CNTNAP2: variants seen among roughly 807,000 people sequenced by gnomAD.
The protein encoded by CNTNAP2 is contactin associated protein 2, also known as contactin-associated protein-like 2.
In CNTNAP2, 98 loss-of-function variants were observed where a neutral mutation model predicts 155.2. The ratio of observed to expected loss-of-function variants is 0.63; its 90% CI spans 0.54 to 0.75. The LOEUF is 0.75. CNTNAP2 is among the 30% of genes least tolerant of loss of function. CNTNAP2 has a pLI of 0.00. For missense variants in CNTNAP2, 1,727 were observed against 1,688.1 expected (o/e 1.02, Z -0.40); for synonymous variants, 651 against 631.2 (o/e 1.03, Z -0.47).
chr7:146,326,585 A>G (rs1017509129), intron 1 of CNTNAP2, among the ~76,000 whole-genome samples: 2 of 152,228 alleles, frequency 1.3e-5, no homozygotes, highest in Admixed American at 6.5e-5. Context: ...TATCCCATTT[A>G]CAATTTTGTG....
At chr7:147,570,388 A>G (rs528777246) in intron 12 of CNTNAP2, among the ~76,000 whole-genome samples, 1 of 152,354 alleles carries the variant, frequency 6.6e-6, no homozygotes, top group South Asian at 2.1e-4. Context: ...CTTTTGAGTA[A>G]CAACAGTGCC....
In CNTNAP2 at chr7:147,900,220, G is replaced by T. The variant is rs1278427400; in HGVS notation, c.2099-3345G>T. On this transcript the variant is annotated intron_variant, in intron 13 of 23. Transcript: ENST00000361727. ...GTCATCTCCATCTCTGGTACGGTTTGGCTGTGTCCCCACCCAAATCTCATA... is the reference window on the plus strand; with the variant it reads ...GTCATCTCCATCTCTGGTACGGTTTTGCTGTGTCCCCACCCAAATCTCATA... Among the ~76,000 whole-genome samples, 4 of 152,044 alleles carry T rather than the reference G, an allele frequency of 2.6e-5. 1 individual carries two copies. In the South Asian group the frequency reaches 8.3e-4, roughly 32 times the overall value.
At chr7:146,528,188 A>G (rs993881065) in intron 1 of CNTNAP2, among the ~76,000 whole-genome samples, 1 of 152,182 alleles carries the variant, frequency 6.6e-6, no homozygotes, top group African/African-American at 2.4e-5. Flanking sequence ...TCCACCCTGG[A>G]GAAGACATGA....
intron 13 of CNTNAP2, among the ~76,000 whole-genome samples, chr7:147,797,343 A>G (rs1797913458): frequency 6.6e-6 from 1 of 152,030 alleles, no homozygotes; most frequent in Non-Finnish European, 1.5e-5. Context: ...GTTTACTTCT[A>G]TATGTTGCAT....
intron 1 of CNTNAP2, among the ~76,000 whole-genome samples, chr7:146,484,972 T>A (rs1486863215): frequency 6.6e-6 from 1 of 152,178 alleles, no homozygotes; most frequent in African/African-American, 2.4e-5. Flanking sequence ...TGGCAAAAGA[T>A]AAAAAAGCTT....
intron 19 of CNTNAP2, among the ~76,000 whole-genome samples, chr7:148,222,756 G>T (rs1795776846): frequency 6.6e-6 from 1 of 152,166 alleles, no homozygotes; most frequent in African/African-American, 2.4e-5. Context: ...AACACTCAGT[G>T]GTGCCCCACT....
intron 15 of CNTNAP2, among the ~76,000 whole-genome samples, chr7:148,007,810 A>G (rs1802006758): frequency 6.6e-6 from 1 of 152,210 alleles, no homozygotes; most frequent in Non-Finnish European, 1.5e-5. Context: ...CTCATTAAAT[A>G]TATGACACAA....
chr7:146,638,055 C>G (rs1225980738), intron 1 of CNTNAP2, among the ~76,000 whole-genome samples: 1 of 152,110 alleles, frequency 6.6e-6, no homozygotes, highest in African/African-American at 2.4e-5. Context: ...TAGGCAGGTT[C>G]TATGACAATT....
At chr7:146,245,472 A>T (rs964132371) in intron 1 of CNTNAP2, among the ~76,000 whole-genome samples, 1 of 152,214 alleles carries the variant, frequency 6.6e-6, no homozygotes, top group African/African-American at 2.4e-5. Flanking sequence ...CAGCCGCTGC[A>T]CGCAGACATG....
intron 1 of CNTNAP2, among the ~76,000 whole-genome samples, chr7:146,474,234 C>T (rs986170040): frequency 2.7e-5 from 4 of 150,068 alleles, no homozygotes; most frequent in Non-Finnish European, 1.5e-5. Flanking sequence ...TATTAACCTA[C>T]TTTTCCAAAT....
chr7:146,258,162 G>A (rs1799867679), intron 1 of CNTNAP2, among the ~76,000 whole-genome samples: 1 of 152,168 alleles, frequency 6.6e-6, no homozygotes. Flanking sequence ...AGAGTGCTGA[G>A]ATTACAGGCG....
chr7:148,126,628 G>A (rs988117045), intron 16 of CNTNAP2, among the ~76,000 whole-genome samples: 1 of 152,180 alleles, frequency 6.6e-6, no homozygotes, highest in Non-Finnish European at 1.5e-5. Context: ...GAGTAGTGTT[G>A]GTTGGTCACC....
At chr7:146,580,067 G>A (rs1798588349) in intron 1 of CNTNAP2, among the ~76,000 whole-genome samples, 1 of 152,036 alleles carries the variant, frequency 6.6e-6, no homozygotes, top group Non-Finnish European at 1.5e-5. Context: ...CTTAAGGCAT[G>A]TATTTTCAGT....
At chr7:146,329,646 C>G (rs1801149241) in intron 1 of CNTNAP2, among the ~76,000 whole-genome samples, 1 of 152,136 alleles carries the variant, frequency 6.6e-6, no homozygotes, top group African/African-American at 2.4e-5. Flanking sequence ...ATGTCAGTTT[C>G]TCTACTCTCT....
At chr7:147,237,702 T>C (rs1803841453) in intron 8 of CNTNAP2, among the ~76,000 whole-genome samples, 1 of 152,220 alleles carries the variant, frequency 6.6e-6, no homozygotes, top group Non-Finnish European at 1.5e-5. Context: ...ACTTCCAGCA[T>C]GCAATAAGCA....
At chr7:147,962,600 T>C (rs1217811358) in intron 14 of CNTNAP2, among the ~76,000 whole-genome samples, 2 of 152,218 alleles carry the variant, frequency 1.3e-5, no homozygotes, top group East Asian at 3.8e-4. Context: ...GTGATAATGA[T>C]AATTTTAATA....
intron 13 of CNTNAP2, among the ~76,000 whole-genome samples, chr7:147,744,745 T>G (rs1797009784): frequency 6.6e-6 from 1 of 152,134 alleles, no homozygotes; most frequent in African/African-American, 2.4e-5. Flanking sequence ...ATATGGCCTT[T>G]CCTCTGTGCA....
intron 1 of CNTNAP2, among the ~76,000 whole-genome samples, chr7:146,712,836 A>G (rs1027795716): frequency 5.9e-5 from 9 of 151,950 alleles, no homozygotes; most frequent in African/African-American, 1.9e-4. Context: ...TTTGCCATGA[A>G]TGACTTCATA....
intron 18 of CNTNAP2, among the ~76,000 whole-genome samples, chr7:148,201,863 C>G (rs1173353555): frequency 1.3e-5 from 2 of 151,590 alleles, no homozygotes; most frequent in African/African-American, 4.9e-5. Flanking sequence ...AAAACTTTCA[C>G]ACACTATGGA....
Sources: gnomAD v4.1 joint callset for allele counts (sites outside exome capture counted in the v4.1 genomes callset) on GRCh38, gnomAD v4.1.1 for gene constraint, MANE v1.5 for transcripts, NCBI Gene and HGNC (gene_info 2026-07-23, HGNC 2026-07-21) for gene names.